Variants in PGBD5 observed in about 807,000 individuals in gnomAD.
PGBD5 encodes piggyBac transposable element-derived protein 5.
In PGBD5, 14 loss-of-function variants were observed where a neutral mutation model predicts 47.9. That is an observed-to-expected ratio of 0.29 (90% CI 0.19 to 0.46). PGBD5 has a LOEUF of 0.46. Ranked by LOEUF, PGBD5 falls within the 20% of genes least tolerant of loss-of-function variation. The probability of loss-of-function intolerance (pLI) is 1.00; values close to 1 mark genes in which losing one functional copy is unlikely to be tolerated. For synonymous variants in PGBD5, 316 were observed against 306.3 expected, an observed-to-expected ratio of 1.03 and a Z score of -0.33; for missense variants, 635 against 716.0, an observed-to-expected ratio of 0.89 and a Z score of 1.29.
At position 230,337,183 on chromosome 1, in the gene PGBD5, C is replaced by T. The variant is rs1357856752; in HGVS notation, c.1000G>A (p.Ala334Thr). 5.0e-6 allele frequency: 8 copies of T among 1,614,116 alleles called. No homozygotes were observed. The highest frequency in any genetic ancestry group is 1.3e-5 in the African/African-American group (1 of 74,944). Residue 334 changes from alanine (A) to threonine (T), a missense_variant, in exon 4 of 7, where the codon GCA becomes ACA. Transcript: ENST00000391860. The part of the protein sequence containing the change: ...MVARSLCRNA[A>T]GKNYIIFTGP... Reference sequence around the variant, plus strand: ...GTGAAAATGATGTAGTTCTTGCCTGCCGCGTTCCGGCACAGGCTCCTGGCC... The same window carrying T: ...GTGAAAATGATGTAGTTCTTGCCTGTCGCGTTCCGGCACAGGCTCCTGGCC...
At chr1:230,411,418 T>C (rs1412690835) in intron 1 of PGBD5, among the ~76,000 whole-genome samples, 1 of 152,210 alleles carries the variant, frequency 6.6e-6, no homozygotes, top group African/African-American at 2.4e-5. Flanking sequence ...TGGAACTTCA[T>C]GTCAACAAAT....
At position 230,316,928 on chromosome 1, in the gene PGBD5, G is replaced by A. The variant is rs1666960816; in HGVS notation, c.*6497C>T. 3.9e-5 allele frequency: 6 copies of A among 152,268 alleles called. No individual in the cohort carries two copies. The South Asian group carries it at 1.2e-3, about 31-fold the overall frequency. The allele number at this position is 152,268 out of a possible 1,614,324, so 9.4% of individuals were successfully genotyped here. On this transcript the variant is annotated 3_prime_UTR_variant, in exon 7 of 7. Coordinates refer to ENST00000391860, the MANE Select transcript of PGBD5 (RefSeq NM_001258311.2). ...CACGCATACCTGGCTCTCAGGGCAA[G>A]TTGCAGGTTGGCAAGTCCTGGTCAA...
At chr1:230,419,356 T>C (rs1363416825) in intron 1 of PGBD5, among the ~76,000 whole-genome samples, 4 of 113,540 alleles carry the variant, frequency 3.5e-5, no homozygotes, top group Admixed American at 1.3e-4. Flanking sequence ...GAGTTAAACA[T>C]TGGGTACACA....
At chr1:230,378,859 C>A (rs1378229684) in intron 1 of PGBD5, among the ~76,000 whole-genome samples, 1 of 152,136 alleles carries the variant, frequency 6.6e-6, no homozygotes, top group Non-Finnish European at 1.5e-5. Flanking sequence ...ATATTACTGT[C>A]TTTCATAAAG....
chr1:230,372,711 GTTAT>G (rs1274558623), intron 1 of PGBD5, among the ~76,000 whole-genome samples: 1 of 152,230 alleles, frequency 6.6e-6, no homozygotes, highest in Non-Finnish European at 1.5e-5. Flanking sequence ...GGAGATGGAA[GTTAT>G]TTACTCTACT....
intron 1 of PGBD5, among the ~76,000 whole-genome samples, chr1:230,396,246 C>CTTTTACCCACATTCCT (rs1558210778): frequency 6.6e-5 from 1 of 15,154 alleles, no homozygotes; most frequent in Non-Finnish European, 1.2e-4. Context: ...ACACTCCTCC[C>CTTTTACCCACATTCCT]TTTTACCCCC....
intron 2 of PGBD5, among the ~76,000 whole-genome samples, chr1:230,351,447 TG>T (rs1667559922): frequency 1.3e-5 from 2 of 152,200 alleles, no homozygotes; most frequent in African/African-American, 4.8e-5. Flanking sequence ...CTGTGTCCTC[TG>T]GCTGGACATG....
intron 1 of PGBD5, among the ~76,000 whole-genome samples, chr1:230,398,376 TCCC>T: frequency 6.7e-6 from 1 of 149,456 alleles, no homozygotes; most frequent in Non-Finnish European, 1.5e-5. Flanking sequence ...TCGCATGGGC[TCCC>T]CCATGTGTGT....
chr1:230,353,094 C>G (rs774013291), intron 2 of PGBD5, among the ~76,000 whole-genome samples: 2 of 152,218 alleles, frequency 1.3e-5, no homozygotes, highest in African/African-American at 2.4e-5. Context: ...TTTCTATCAT[C>G]ATTAAATGAA....
chr1:230,418,794 C>T (rs1193907669), intron 1 of PGBD5, among the ~76,000 whole-genome samples: 3 of 152,218 alleles, frequency 2.0e-5, no homozygotes, highest in Non-Finnish European at 2.9e-5. Context: ...GCATCTGGAA[C>T]TAGGAACACT....
At chr1:230,413,693 A>G (rs529648242) in intron 1 of PGBD5, among the ~76,000 whole-genome samples, 1 of 152,120 alleles carries the variant, frequency 6.6e-6, no homozygotes, top group East Asian at 1.9e-4. Flanking sequence ...TGTGGCTCTA[A>G]AGATGCCTTC....
rs186500482 is a variant in PGBD5 at position 230,337,305 on chromosome 1, C to T, written c.895-17G>A. On this transcript the variant is annotated splice_polypyrimidine_tract_variant and intron_variant, in intron 3 of 6. Transcript: ENST00000391860. ...GACATAAATCTTTAACAGAAACACA[C>T]AGAGGTTAGCGTGCTCACAGCAGTG... 1.1e-3 allele frequency: 1,823 copies of T among 1,593,784 alleles called. 1 individual carries two copies. Among genetic ancestry groups the T allele is most frequent in the Non-Finnish European group, 1.3e-3 (1,579 of 1,171,586 alleles).
chr1:230,391,187 C>T (rs1656775505), intron 1 of PGBD5, among the ~76,000 whole-genome samples: 1 of 152,136 alleles, frequency 6.6e-6, no homozygotes, highest in Non-Finnish European at 1.5e-5. Flanking sequence ...TGCTACCAGC[C>T]TGTCGCTGTG....
At chr1:230,375,246 T>C (rs1355859306) in intron 1 of PGBD5, among the ~76,000 whole-genome samples, 1 of 152,196 alleles carries the variant, frequency 6.6e-6, no homozygotes, top group Non-Finnish European at 1.5e-5. Context: ...GTCAAACACT[T>C]GTTTGTCCTT....
intron 1 of PGBD5, among the ~76,000 whole-genome samples, chr1:230,423,330 G>C (rs1461094982): frequency 2.0e-5 from 3 of 152,158 alleles, no homozygotes; most frequent in African/African-American, 7.2e-5. Flanking sequence ...AGTGAGATTT[G>C]TTAATAAACA....
chr1:230,315,264 G>A lies in PGBD5; in HGVS notation c.*8161C>T, dbSNP rs1666917554. On this transcript the variant is annotated 3_prime_UTR_variant, in exon 7 of 7. Transcript: ENST00000391860. ...TAGTGGGAGACAGAGTAAAGGCAGA[G>A]GGGCCCCTCCTTTCTCAGGTGCCCT... The A allele has an allele frequency of 6.6e-6, 1 of 152,220 alleles. No individual in the cohort carries two copies. Among genetic ancestry groups the A allele is most frequent in the Admixed American group, 6.5e-5 (1 of 15,268 alleles). The allele number at this position is 152,220 out of a possible 1,614,324, so 9.4% of individuals were successfully genotyped here.
intron 1 of PGBD5, among the ~76,000 whole-genome samples, chr1:230,359,756 A>C (rs1046247328): frequency 3.3e-5 from 5 of 152,352 alleles, no homozygotes; most frequent in South Asian, 4.1e-4. Context: ...TTTTACCAAG[A>C]TATCATCAAC....
At chr1:230,402,370 G>A (rs1029256128) in intron 1 of PGBD5, among the ~76,000 whole-genome samples, 5 of 152,228 alleles carry the variant, frequency 3.3e-5, no homozygotes, top group African/African-American at 1.2e-4. Flanking sequence ...GATAGAAAGT[G>A]AGAAGCTATC....
chr1:230,369,413 C>A (rs1158577548), intron 1 of PGBD5, among the ~76,000 whole-genome samples: 1 of 152,246 alleles, frequency 6.6e-6, no homozygotes, highest in East Asian at 1.9e-4. Context: ...GTCACAGGCA[C>A]CCCTCCCCAT....
Sources: gnomAD v4.1 joint callset for allele counts (sites outside exome capture counted in the v4.1 genomes callset) on GRCh38, gnomAD v4.1.1 for gene constraint, MANE v1.5 for transcripts, NCBI Gene and HGNC (gene_info 2026-07-23, HGNC 2026-07-21) for gene names.